The following LOXL2 variants were observed in gnomAD, a reference collection of about 807,000 sequenced individuals.
The protein encoded by LOXL2 is lysyl oxidase like 2, also known as lysyl oxidase homolog 2.
In LOXL2, 70 loss-of-function variants were observed where a neutral mutation model predicts 93.0. The observed-to-expected ratio is 0.75, with a 90% CI of 0.62 to 0.92. LOXL2 has a LOEUF of 0.92. Ranked by LOEUF, LOXL2 falls within the 40% of genes least tolerant of loss-of-function variation. LOXL2 has a pLI of 0.00. For synonymous variants in LOXL2, 438 were observed against 413.2 expected (o/e 1.06, Z -0.73); for missense variants, 973 against 1,054.9 (o/e 0.92, Z 1.08).
intron 9 of LOXL2, chr8:23,316,602 C>A: frequency 4.0e-6 from 1 of 247,242 alleles, no homozygotes; most frequent in Non-Finnish European, 7.6e-6. Context: ...AGGGAGGAAG[C>A]CAACACCCAT....
intron 4 of LOXL2, among the ~76,000 whole-genome samples, chr8:23,334,772 G>GGAGTAA (rs1803762642): frequency 6.6e-6 from 1 of 150,500 alleles, no homozygotes; most frequent in South Asian, 2.1e-4. Flanking sequence ...AAAATCAGAA[G>GGAGTAA]TAGTATCTGC....
chr8:23,378,806 C>T (rs1159082541), intron 1 of LOXL2, among the ~76,000 whole-genome samples: 1 of 152,196 alleles, frequency 6.6e-6, no homozygotes, highest in Non-Finnish European at 1.5e-5. Context: ...CATTTAAGGA[C>T]TTCTCTACAC....
rs539569715 is a variant in LOXL2 at position 23,305,650 on chromosome 8, AG to A, written c.1881-2254del. On this transcript the variant is annotated intron_variant, in intron 10 of 13. Coordinates refer to ENST00000389131, the MANE Select transcript of LOXL2 (RefSeq NM_002318.3). ...CTGTCGTGACCCTTGGGCATCTAGG[AG>A]GGGGCTGGATCCCTGGGGTAGAGTT... Among the ~76,000 whole-genome samples, 4 of 152,020 alleles carry A rather than the reference AG, an allele frequency of 2.6e-5. No individual in the cohort carries two copies. The East Asian group carries it at 7.8e-4, about 29-fold the overall frequency.
chr8:23,358,484 G>A (rs1804233340), intron 3 of LOXL2, among the ~76,000 whole-genome samples: 1 of 152,254 alleles, frequency 6.6e-6, no homozygotes, highest in Non-Finnish European at 1.5e-5. Flanking sequence ...GCTGGGTTCA[G>A]CTGGAGGCTG....
chr8:23,329,908 G>A (rs1803643763), intron 5 of LOXL2, among the ~76,000 whole-genome samples: 1 of 152,180 alleles, frequency 6.6e-6, no homozygotes, highest in Non-Finnish European at 1.5e-5. Context: ...TGGCATGGTG[G>A]GGTGCTGGGA....
At chr8:23,303,155 G>A in intron 11 of LOXL2, 127 bp downstream of exon 11, 1 of 697,216 alleles carries the variant, frequency 1.4e-6, no homozygotes, top group Non-Finnish European at 2.6e-6. Flanking sequence ...GGTCCAGGTG[G>A]GGAAAGGTGG....
intron 13 of LOXL2, among the ~76,000 whole-genome samples, 199 bp downstream of exon 13, chr8:23,298,637 C>G (rs1482388126): frequency 6.6e-6 from 1 of 152,212 alleles, no homozygotes; most frequent in Non-Finnish European, 1.5e-5. Flanking sequence ...GTACCATCCT[C>G]TATCCGTGGC....
At chr8:23,354,943 ATATATATTTTTTTTTTTTT>A (rs1440186077) in intron 3 of LOXL2, among the ~76,000 whole-genome samples, 2 of 55,500 alleles carry the variant, frequency 3.6e-5, no homozygotes, top group Non-Finnish European at 5.9e-5. Context: ...ATATATATAT[ATATATATTTTTTTTTTTTT>A]TTTTTTTTTT....
chr8:23,326,191 G>A (rs1356529903), intron 6 of LOXL2, among the ~76,000 whole-genome samples: 1 of 152,208 alleles, frequency 6.6e-6, no homozygotes, highest in African/African-American at 2.4e-5. Context: ...CAGCATGACA[G>A]GAGATATCAA....
rs200362808 is a variant in LOXL2, at chr8:23,375,740, C to G, written c.-83-7306G>C. On this transcript the variant is annotated intron_variant, in intron 1 of 13. Coordinates refer to ENST00000389131, the MANE Select transcript of LOXL2 (RefSeq NM_002318.3). Reference sequence around the variant, plus strand: ...ATGGGAGTTCACTCATGATTTGGCTCTCTGTTATTGGTGTGTAAGAATGCT... The same window carrying G: ...ATGGGAGTTCACTCATGATTTGGCTGTCTGTTATTGGTGTGTAAGAATGCT... 1.5e-3 allele frequency among the ~76,000 whole-genome samples: 222 copies of G among 151,218 alleles called. 1 individual carries two copies. Among genetic ancestry groups the G allele is most frequent in the African/African-American group, 5.1e-3 (211 of 41,244 alleles).
intron 2 of LOXL2, among the ~76,000 whole-genome samples, chr8:23,361,733 C>T (rs777299909): frequency 3.3e-5 from 5 of 152,044 alleles, no homozygotes; most frequent in African/African-American, 4.8e-5. Flanking sequence ...CCCAGCTACT[C>T]GGGAGGCTGA....
intron 1 of LOXL2, among the ~76,000 whole-genome samples, chr8:23,393,871 T>G (rs1800052453): frequency 6.6e-6 from 1 of 152,208 alleles, no homozygotes. Flanking sequence ...TTTAAGCTGG[T>G]GATCCCTCTA....
chr8:23,346,888 T>C (rs1338643536), intron 3 of LOXL2, among the ~76,000 whole-genome samples: 1 of 152,180 alleles, frequency 6.6e-6, no homozygotes, highest in Non-Finnish European at 1.5e-5. Context: ...CATAACATCA[T>C]GCCAACATCT....
At chr8:23,328,191 T>C (rs1803615014) in intron 6 of LOXL2, among the ~76,000 whole-genome samples, 191 bp downstream of exon 6, 1 of 152,138 alleles carries the variant, frequency 6.6e-6, no homozygotes, top group African/African-American at 2.4e-5. Flanking sequence ...ATCTATAAAA[T>C]AGGGTCTCAG....
chr8:23,380,737 G>A lies in LOXL2; in HGVS notation c.-83-12303C>T, dbSNP rs187437835. Among the ~76,000 whole-genome samples the A allele has an allele frequency of 1.4e-3, 215 of 152,262 alleles. 1 individual carries two copies. Among genetic ancestry groups the A allele is most frequent in the African/African-American group, 5.0e-3 (209 of 41,554 alleles). ...AGTGAAAGGAAGAAAATAAGGGCTG[G>A]GCACAGTGGTTCAAGCCTGTAATCC... On this transcript the variant is annotated intron_variant, in intron 1 of 13. Transcript: ENST00000389131.
At chr8:23,350,851 GGCT>G (rs761323129) in intron 3 of LOXL2, among the ~76,000 whole-genome samples, 3 of 152,162 alleles carry the variant, frequency 2.0e-5, no homozygotes, top group Non-Finnish European at 2.9e-5. Context: ...AGGTAACAGA[GGCT>G]GCTTTTTTGG....
intron 6 of LOXL2, among the ~76,000 whole-genome samples, chr8:23,322,836 C>T (rs1223309674): frequency 6.6e-6 from 1 of 152,236 alleles, no homozygotes; most frequent in East Asian, 1.9e-4. Flanking sequence ...TACCCTCTGC[C>T]TCCCTGCTAG....
chr8:23,346,732 C>G (rs1803995056), intron 3 of LOXL2, among the ~76,000 whole-genome samples: 1 of 152,206 alleles, frequency 6.6e-6, no homozygotes, highest in Admixed American at 6.5e-5. Flanking sequence ...TCGCTCTAAA[C>G]TCTCAGCACC....
At chr8:23,345,042 C>G (rs1803947531) in intron 3 of LOXL2, among the ~76,000 whole-genome samples, 2 of 152,166 alleles carry the variant, frequency 1.3e-5, no homozygotes, top group African/African-American at 4.8e-5. Flanking sequence ...TAATTGCAGG[C>G]TAGGTTCCAT....
Sources: gnomAD v4.1 joint callset for allele counts (sites outside exome capture counted in the v4.1 genomes callset) on GRCh38, gnomAD v4.1.1 for gene constraint, MANE v1.5 for transcripts, NCBI Gene and HGNC (gene_info 2026-07-23, HGNC 2026-07-21) for gene names.